Variants in CSMD1 observed in about 807,000 individuals in gnomAD.
CSMD1 encodes the protein CUB and sushi domain-containing protein 1.
A neutral mutation model predicts 417.5 loss-of-function variants in CSMD1; 213 were observed. The observed-to-expected ratio is 0.51, with a 90% CI of 0.46 to 0.57. The LOEUF is 0.57. Among genes scored for constraint, CSMD1 ranks in the 20% least tolerant of loss-of-function variants. The pLI, the probability that CSMD1 is intolerant of heterozygous loss-of-function variation, is 0.00. For missense variants in CSMD1, 6,923 were observed against 4,529.7 expected (o/e 1.53, Z -15.17); for synonymous variants, 2,862 against 1,736.8 (o/e 1.65, Z -16.11).
At chr8:3,593,659 C>T (rs919854446) in intron 8 of CSMD1, among the ~76,000 whole-genome samples, 3 of 152,138 alleles carry the variant, frequency 2.0e-5, no homozygotes, top group African/African-American at 7.2e-5. Context: ...AAATGAGGAT[C>T]CCACAAAAGA....
At chr8:3,868,075 C>G (rs949080860) in intron 5 of CSMD1, among the ~76,000 whole-genome samples, 4 of 152,116 alleles carry the variant, frequency 2.6e-5, no homozygotes. Context: ...TGCCATATCT[C>G]TCATGATGCT....
At position 3,685,188 on chromosome 8, in the gene CSMD1, A is replaced by G. The variant is rs151299199; in HGVS notation, c.1009+23226T>C. Among the ~76,000 whole-genome samples, 1,259 of 152,360 alleles carry G rather than the reference A, an allele frequency of 8.3e-3. 9 individuals carry two copies. The highest frequency in any genetic ancestry group is 0.012 in the Non-Finnish European group (850 of 68,038). ...TAAATTGATGGATAAAATCAAATCC[A>G]AAGTTGCAAAATTGAAGCCACTGCC... On this transcript the variant is annotated intron_variant, in intron 7 of 69. Coordinates refer to ENST00000635120, the MANE Select transcript of CSMD1 (RefSeq NM_033225.6).
chr8:4,344,663 T>C (rs895296505), intron 3 of CSMD1, among the ~76,000 whole-genome samples: 1 of 151,886 alleles, frequency 6.6e-6, no homozygotes, highest in Non-Finnish European at 1.5e-5. Flanking sequence ...AAGAATTGAA[T>C]CAATAAACAC....
At chr8:3,613,664 G>C (rs1379108887) in intron 8 of CSMD1, among the ~76,000 whole-genome samples, 2 of 150,034 alleles carry the variant, frequency 1.3e-5, no homozygotes, top group African/African-American at 2.4e-5. Flanking sequence ...AATAGATGTA[G>C]AAACTTTTGA....
intron 28 of CSMD1, among the ~76,000 whole-genome samples, chr8:3,222,946 G>T (rs1054544279): frequency 2.0e-5 from 3 of 152,122 alleles, no homozygotes; most frequent in Non-Finnish European, 4.4e-5. Context: ...AAGGAAAGTC[G>T]TTCCATTGAC....
intron 3 of CSMD1, among the ~76,000 whole-genome samples, chr8:4,193,620 G>C (rs1268876786): frequency 2.6e-5 from 4 of 152,132 alleles, no homozygotes; most frequent in Non-Finnish European, 5.9e-5. Flanking sequence ...AGGAGCCAAT[G>C]AGTGTGCTGT....
intron 1 of CSMD1, among the ~76,000 whole-genome samples, chr8:4,726,290 G>A (rs758653402): frequency 1.3e-5 from 2 of 151,582 alleles, no homozygotes; most frequent in Non-Finnish European, 2.9e-5. Context: ...TGTAGTAATG[G>A]CGACTAAGTG....
At chr8:3,993,238 T>G (rs146121056) in intron 5 of CSMD1, among the ~76,000 whole-genome samples, 1 of 152,178 alleles carries the variant, frequency 6.6e-6, no homozygotes, top group Non-Finnish European at 1.5e-5. Context: ...GTAAAATGAA[T>G]TCAAAATAAT....
chr8:4,734,969 T>G (rs146266056), intron 1 of CSMD1, among the ~76,000 whole-genome samples: 1 of 152,180 alleles, frequency 6.6e-6, no homozygotes, highest in South Asian at 2.1e-4. Flanking sequence ...CTGGGAAAGT[T>G]TCCATATGGA....
chr8:3,575,039 C>G lies in CSMD1; in HGVS notation c.1250G>C (p.Gly417Ala), dbSNP rs1800091887. The change falls in exon 10 of 70, where the codon GGG (glycine) becomes GCG (alanine). Residue 417 changes from glycine to alanine, a missense_variant. Gly to Ala is a moderately conservative substitution (Grantham distance 60). Coordinates refer to ENST00000635120, the MANE Select transcript of CSMD1 (RefSeq NM_033225.6). ...AGGGGAGGTAATGACGCCGCTGGGC[C>G]CACGCAGATTGGATCCACATGTTCT... Reference protein sequence around the residue: ...RARTCGSNLRGPSGVITSPNY... With the variant: ...RARTCGSNLRAPSGVITSPNY... 6.2e-7 allele frequency: 1 copy of G among 1,613,266 alleles called. No homozygotes were observed. The highest frequency in any genetic ancestry group is 8.5e-7 in the Non-Finnish European group (1 of 1,179,714).
chr8:4,690,640 T>A (rs554507239), intron 1 of CSMD1, among the ~76,000 whole-genome samples: 3 of 152,180 alleles, frequency 2.0e-5, no homozygotes, highest in Non-Finnish European at 4.4e-5. Context: ...ATTCACACAA[T>A]CCTTTTGTGA....
chr8:4,148,172 G>C (rs947108543), intron 3 of CSMD1, among the ~76,000 whole-genome samples: 3 of 152,130 alleles, frequency 2.0e-5, no homozygotes, highest in Admixed American at 6.5e-5. Context: ...TCCTGCCTAA[G>C]TCAGCTGGGA....
rs149794034 is a variant in CSMD1, at chr8:3,981,154, C to A, written c.818+16749G>T. On this transcript the variant is annotated intron_variant, in intron 5 of 69. Transcript: ENST00000635120. ...CAGATGGAAAACAGTGATAGTTACG[C>A]TGCATGTACAAGAGACTCCAAGAAT... Among the ~76,000 whole-genome samples, 545 of 152,296 alleles carry A rather than the reference C, an allele frequency of 3.6e-3. 6 individuals are homozygous for A. Among genetic ancestry groups the A allele is most frequent in the African/African-American group, 0.012 (515 of 41,546 alleles).
At chr8:4,357,067 G>C (rs1428540335) in intron 3 of CSMD1, among the ~76,000 whole-genome samples, 1 of 152,138 alleles carries the variant, frequency 6.6e-6, no homozygotes, top group African/African-American at 2.4e-5. Flanking sequence ...CTTTACTGAA[G>C]GAAGAATAAT....
At chr8:3,555,009 G>A (rs866915930) in intron 10 of CSMD1, among the ~76,000 whole-genome samples, 2 of 152,100 alleles carry the variant, frequency 1.3e-5, no homozygotes, top group South Asian at 4.1e-4. Flanking sequence ...ATAAGCTGAG[G>A]AGGAAGGGAA....
At chr8:4,929,279 G>T (rs1410693159) in intron 1 of CSMD1, among the ~76,000 whole-genome samples, 3 of 152,126 alleles carry the variant, frequency 2.0e-5, no homozygotes, top group Non-Finnish European at 4.4e-5. Context: ...CACCGTCGTT[G>T]TGGACTTCCA....
chr8:3,126,429 G>A (rs982666455), intron 41 of CSMD1, among the ~76,000 whole-genome samples: 4 of 152,156 alleles, frequency 2.6e-5, no homozygotes, highest in Non-Finnish European at 5.9e-5. Context: ...AAAGGGCATT[G>A]CTACAGAGAA....
At chr8:4,286,503 G>C (rs73189940) in intron 3 of CSMD1, among the ~76,000 whole-genome samples, 170 of 152,202 alleles carry the variant, frequency 1.1e-3, no homozygotes, top group Non-Finnish European at 2.1e-3. Flanking sequence ...TGTGGCACAG[G>C]AAGGAAGACA....
chr8:3,712,776 G>C (rs570270164), intron 6 of CSMD1, among the ~76,000 whole-genome samples: 1 of 152,160 alleles, frequency 6.6e-6, no homozygotes, highest in Non-Finnish European at 1.5e-5. Flanking sequence ...CCTGGTGTCT[G>C]TTGGGTAAGG....
Sources: allele counts gnomAD v4.1 joint callset (sites outside exome capture counted in the v4.1 genomes callset), GRCh38; gene constraint gnomAD v4.1.1; transcripts MANE v1.5; gene names NCBI Gene and HGNC (gene_info 2026-07-23, HGNC 2026-07-21).